MCC: variants seen among roughly 807,000 people sequenced by gnomAD.
MCC encodes MCC regulator of Wnt signaling pathway, also known as colorectal mutant cancer protein.
MCC carries 90 observed loss-of-function variants against 116.2 expected under a neutral mutation model. The observed-to-expected ratio is 0.77, with a 90% CI of 0.65 to 0.92. MCC has a LOEUF of 0.92. Among genes scored for constraint, MCC ranks in the 40% least tolerant of loss-of-function variants. The pLI, the probability that MCC is intolerant of heterozygous loss-of-function variation, is 0.00. For synonymous variants in MCC, 578 were observed against 510.5 expected (o/e 1.13, Z -1.78); for missense variants, 1,516 against 1,312.2 (o/e 1.16, Z -2.40).
At chr5:113,338,994 G>T (rs561038016) in intron 3 of MCC, among the ~76,000 whole-genome samples, 165 of 152,150 alleles carry the variant, frequency 1.1e-3, no homozygotes, top group African/African-American at 3.9e-3. Context: ...GCTAAGGCGG[G>T]TGGATCACTT....
rs146727619 is a variant in MCC, at chr5:113,312,601, T to C, written c.627+27918A>G. 1.8e-4 allele frequency among the ~76,000 whole-genome samples: 27 copies of C among 152,304 alleles called. No individual in the cohort carries two copies. The East Asian group carries it at 4.6e-3, about 26-fold the overall frequency. On this transcript the variant is annotated intron_variant, in intron 3 of 18. Coordinates refer to ENST00000408903, the MANE Select transcript of MCC (RefSeq NM_001085377.2). ...ATGCAAAGAAATGAGGCTGGGATGA[T>C]AGGCAGTGACTAGAACAAATGAAAG...
At chr5:113,219,764 A>G (rs575241725) in intron 3 of MCC, among the ~76,000 whole-genome samples, 1 of 152,276 alleles carries the variant, frequency 6.6e-6, no homozygotes, top group Admixed American at 6.5e-5. Flanking sequence ...ACCACAGTGG[A>G]CAAGGTTTAG....
At chr5:113,108,070 C>A (rs541015883) in intron 6 of MCC, among the ~76,000 whole-genome samples, 180 of 152,202 alleles carry the variant, frequency 1.2e-3, no homozygotes, top group African/African-American at 4.1e-3. Context: ...AGAGGCCAGG[C>A]GCAGTGGCTC....
rs552904166 is a variant in MCC at position 113,332,946 on chromosome 5, T to C, written c.627+7573A>G. 5.9e-4 allele frequency among the ~76,000 whole-genome samples: 90 copies of C among 151,782 alleles called. 2 individuals carry two copies. Among genetic ancestry groups the C allele is most frequent in the African/African-American group, 2.1e-3 (88 of 41,074 alleles). On this transcript the variant is annotated intron_variant, in intron 3 of 18. Coordinates refer to ENST00000408903, the MANE Select transcript of MCC (RefSeq NM_001085377.2). ...TTTCAAAATTTCTGAAAACTCTTCT[T>C]AAGAATTTTCAAATCCCTTGACCCT...
rs552504416 is a variant in MCC at position 113,028,859 on chromosome 5, G to T, written c.2879+75C>A. Reference sequence around the variant, plus strand: ...TAGGGAAATGTCCATCCCTGGTGCTGTGTCTACATGCAGGGTGTCAGTCCA... The same window carrying T: ...TAGGGAAATGTCCATCCCTGGTGCTTTGTCTACATGCAGGGTGTCAGTCCA... On this transcript the variant is annotated intron_variant, in intron 18 of 18. Transcript: ENST00000408903. 3.3e-5 allele frequency: 50 copies of T among 1,517,180 alleles called. 2 individuals are homozygous for T. The South Asian group carries it at 5.8e-4, about 18-fold the overall frequency. The allele number at this position is 1,517,180 out of a possible 1,614,324, so 94.0% of individuals were successfully genotyped here. A position where few individuals can be genotyped will look rare whatever the true frequency, so the allele number is the denominator to read the frequency against.
chr5:113,415,109 G>T (rs1198445396), intron 1 of MCC, among the ~76,000 whole-genome samples: 5 of 152,130 alleles, frequency 3.3e-5, no homozygotes, highest in African/African-American at 1.2e-4. Context: ...CTCTCTTCTG[G>T]CTTGTAGAGT....
intron 3 of MCC, among the ~76,000 whole-genome samples, chr5:113,289,636 G>A (rs144594045): frequency 6.6e-6 from 1 of 152,234 alleles, no homozygotes; most frequent in East Asian, 1.9e-4. Flanking sequence ...AAGCCACATA[G>A]GGATGCCCAT....
At position 113,433,596 on chromosome 5, in the gene MCC, A is replaced by G. The variant is rs1294294022; in HGVS notation, c.171-48384T>C. 3.5e-6 allele frequency: 4 copies of G among 1,129,606 alleles called. No homozygotes were observed. In the African/African-American group the frequency reaches 6.3e-5, roughly 18 times the overall value. 70.0% of individuals were successfully genotyped at this position (1,129,606 alleles called of 1,614,324 possible). On this transcript the variant is annotated intron_variant, in intron 1 of 18. Transcript: ENST00000408903. ...CACGGGAGAACCATGTGGGTTACCAAGTTCAAGGGGAGAGAGAAGAAGCTG... is the reference window on the plus strand; with the variant it reads ...CACGGGAGAACCATGTGGGTTACCAGGTTCAAGGGGAGAGAGAAGAAGCTG...
intron 1 of MCC, among the ~76,000 whole-genome samples, chr5:113,475,833 T>C (rs754324829): frequency 2.6e-5 from 4 of 152,156 alleles, no homozygotes; most frequent in Non-Finnish European, 5.9e-5. Flanking sequence ...GGAAAATAAG[T>C]TTTCTCATGT....
At chr5:113,398,293 A>G (rs1269180678) in intron 1 of MCC, among the ~76,000 whole-genome samples, 4 of 152,190 alleles carry the variant, frequency 2.6e-5, no homozygotes, top group Admixed American at 2.0e-4. Context: ...TCAAAGAACT[A>G]AACATGGAAC....
chr5:113,278,063 T>C (rs757775643), intron 3 of MCC, among the ~76,000 whole-genome samples: 1 of 152,208 alleles, frequency 6.6e-6, no homozygotes, highest in Non-Finnish European at 1.5e-5. Context: ...CCAATGCCTG[T>C]CCTTCCCTGC....
At position 113,457,300 on chromosome 5, in the gene MCC, C is replaced by T. The variant is rs553237272; in HGVS notation, c.170+30945G>A. Among the ~76,000 whole-genome samples, 364 of 152,344 alleles carry T rather than the reference C, an allele frequency of 2.4e-3. 1 individual carries two copies. The highest frequency in any genetic ancestry group is 3.8e-3 in the Non-Finnish European group (260 of 68,018). On this transcript the variant is annotated intron_variant, in intron 1 of 18. Transcript: ENST00000408903. ...GACTTAGCACCCGGGCCAGCGGCTG[C>T]GGAGGGTGTACTGGGTCCCCCAGCA...
At chr5:113,309,199 T>C (rs1359769890) in intron 3 of MCC, among the ~76,000 whole-genome samples, 3 of 152,250 alleles carry the variant, frequency 2.0e-5, no homozygotes, top group Non-Finnish European at 4.4e-5. Flanking sequence ...CATTCTTTTT[T>C]AAATTTCAGT....
At chr5:113,160,265 G>C (rs1264140399) in intron 3 of MCC, among the ~76,000 whole-genome samples, 1 of 152,146 alleles carries the variant, frequency 6.6e-6, no homozygotes, top group African/African-American at 2.4e-5. Flanking sequence ...GCTCCCAAGG[G>C]GGAGAGGTGT....
intron 1 of MCC, among the ~76,000 whole-genome samples, chr5:113,462,815 A>C (rs998119065): frequency 6.6e-6 from 1 of 152,216 alleles, no homozygotes; most frequent in African/African-American, 2.4e-5. Context: ...ACAATGTGCC[A>C]GGTTACTGTG....
intron 5 of MCC, among the ~76,000 whole-genome samples, chr5:113,134,516 T>C (rs770867054): frequency 2.0e-4 from 30 of 152,136 alleles, no homozygotes; most frequent in East Asian, 5.8e-4. Context: ...TCCCTCCAGC[T>C]TTGTTCTTTT....
chr5:113,043,690 C>G (rs1450072545), intron 16 of MCC, 60 bp from the exon 17 acceptor site: 3 of 1,299,584 alleles, frequency 2.3e-6, no homozygotes, highest in South Asian at 1.2e-5. Context: ...ACCCTGGAAG[C>G]CTGCAGCAGA....
intron 1 of MCC, among the ~76,000 whole-genome samples, chr5:113,463,755 A>G (rs459428): frequency 0.37 from 55,876 of 152,148 alleles, 12,862 homozygotes; most frequent in East Asian, 0.69. Context: ...ACATTTACTA[A>G]GGGAGTCACT....
At chr5:113,061,211 C>T (rs1203512413) in intron 14 of MCC, among the ~76,000 whole-genome samples, 1 of 152,214 alleles carries the variant, frequency 6.6e-6, no homozygotes, top group African/African-American at 2.4e-5. Context: ...CTGCAACCAC[C>T]ATTCTCACAG....
Sources: allele counts gnomAD v4.1 joint callset (sites outside exome capture counted in the v4.1 genomes callset), GRCh38; gene constraint gnomAD v4.1.1; transcripts MANE v1.5; gene names NCBI Gene and HGNC (gene_info 2026-07-23, HGNC 2026-07-21).